The following FSCN3 variants were observed in gnomAD, a reference collection of about 807,000 sequenced individuals.
FSCN3 encodes fascin-3.
A neutral mutation model predicts 53.5 loss-of-function variants in FSCN3; 43 were observed. The ratio of observed to expected loss-of-function variants is 0.80; its 90% confidence interval spans 0.63 to 1.04. The LOEUF is 1.04. Ranked by LOEUF, FSCN3 falls within the 50% of genes least tolerant of loss-of-function variation. The pLI is 0.00. For missense variants in FSCN3, 594 were observed against 646.5 expected, an observed-to-expected ratio of 0.92 and a Z score of 0.88; for synonymous variants, 235 against 246.6, an observed-to-expected ratio of 0.95 and a Z score of 0.44.
chr7:127,594,838 C>T (rs996653062), intron 1 of FSCN3: 1 of 472,314 alleles, frequency 2.1e-6, no homozygotes, highest in Non-Finnish European at 4.4e-6. Flanking sequence ...CATCTTCATC[C>T]CTGGAGCCAG....
intron 1 of FSCN3, among the ~76,000 whole-genome samples, chr7:127,594,294 A>G: frequency 7.9e-6 from 1 of 126,526 alleles, no homozygotes; most frequent in South Asian, 2.5e-4. Flanking sequence ...ACTTGCCTGT[A>G]TATGAAAGCA....
chr7:127,594,526 G>A (rs1386921993), intron 1 of FSCN3: 6 of 470,730 alleles, frequency 1.3e-5, no homozygotes, highest in Non-Finnish European at 2.6e-5. Flanking sequence ...GAAGAGAAGT[G>A]GAGAGCACAG....
At chr7:127,601,355 T>A (rs1016889323) in intron 6 of FSCN3, among the ~76,000 whole-genome samples, 1 of 152,248 alleles carries the variant, frequency 6.6e-6, no homozygotes, top group Non-Finnish European at 1.5e-5. Flanking sequence ...TTGCTCTTTG[T>A]CCTGTCCCTT....
At chr7:127,600,434 C>G (rs932229806) in intron 6 of FSCN3, 35 bp downstream of exon 6, 1 of 1,310,138 alleles carries the variant, frequency 7.6e-7, no homozygotes, top group Non-Finnish European at 1.1e-6. Context: ...GCTAGGGGAG[C>G]AGAAGCCATG....
chr7:127,594,281 C>CGTGTGTGTGTGTGTGT lies in FSCN3; in HGVS notation c.144+285_144+286insTGTGTGTGTGTGTGTG, dbSNP rs1794349261. 2.3e-4 allele frequency among the ~76,000 whole-genome samples: 15 copies of CGTGTGTGTGTGTGTGT among 65,868 alleles called. 1 individual carries two copies. Among genetic ancestry groups the CGTGTGTGTGTGTGTGT allele is most frequent in the Non-Finnish European group, 4.6e-4 (14 of 30,710 alleles). 43.2% of individuals were successfully genotyped at this position (65,868 alleles called of 152,430 possible). A position where few individuals can be genotyped will look rare whatever the true frequency, so the allele number is the denominator to read the frequency against. On this transcript the variant is annotated intron_variant, in intron 1 of 6. Coordinates refer to ENST00000265825, the MANE Select transcript of FSCN3 (RefSeq NM_020369.3). ...GTGTGTGTGTGTGTGTGTGTGTGTG[C>CGTGTGTGTGTGTGTGT]GCACTTGCCTGTATATGAAAGCAGG...
In FSCN3 at chr7:127,595,546, C is replaced by T. The variant is rs202077548; in HGVS notation, c.384C>T (p.His128=). The T allele has an allele frequency of 6.8e-6, 11 of 1,614,096 alleles. No homozygotes were observed. The highest frequency in any genetic ancestry group is 6.7e-5 in the Admixed American group (4 of 60,020). Residue 128 remains histidine, a synonymous_variant, in exon 2 of 7, where the codon CAC becomes CAT. Transcript: ENST00000265825. ...SNGKDVFCTS[H]VLSAYHMWTP... ...GCAAGGACGTGTTTTGCACTTCCCACGTCCTCTCAGCTTACCACATGTGGA... is the reference window on the plus strand; with the variant it reads ...GCAAGGACGTGTTTTGCACTTCCCATGTCCTCTCAGCTTACCACATGTGGA...
intron 5 of FSCN3, 92 bp downstream of exon 5, chr7:127,599,643 C>T: frequency 7.9e-7 from 1 of 1,266,422 alleles, no homozygotes; most frequent in Non-Finnish European, 1.1e-6. Context: ...TCAGGGCTTG[C>T]TCATTATAAA....
chr7:127,597,023 C>G (rs1460411003), intron 3 of FSCN3, among the ~76,000 whole-genome samples: 1 of 152,226 alleles, frequency 6.6e-6, no homozygotes, highest in Non-Finnish European at 1.5e-5. Flanking sequence ...TTTTAAGGTT[C>G]GTTCACATAA....
In FSCN3 at chr7:127,595,438, T is replaced by C. The variant is rs2117426671; in HGVS notation, c.276T>C (p.His92=). ...VCYGRPRTSH[H]GCFLLRFHRN... is the part of the protein sequence containing the mutation. ...ATGGCCGCCCAAGGACCAGCCACCA[T>C]GGGTGCTTTCTACTGCGTTTCCACC... The change falls in exon 2 of 7, where the codon CAT becomes CAC. Residue 92 remains histidine, a synonymous_variant. Coordinates refer to ENST00000265825, the MANE Select transcript of FSCN3 (RefSeq NM_020369.3). The C allele has an allele frequency of 6.2e-7, 1 of 1,614,142 alleles. No homozygotes were observed. The highest frequency in any genetic ancestry group is 8.5e-7 in the Non-Finnish European group (1 of 1,180,016).
rs1366957002 is a variant in FSCN3 at position 127,596,645 on chromosome 7, G to A, written c.960+199G>A. On this transcript the variant is annotated intron_variant, in intron 3 of 6. Coordinates refer to ENST00000265825, the MANE Select transcript of FSCN3 (RefSeq NM_020369.3). ...AATCAACTTTATTAAGGTATAATTT[G>A]AAAGTTTGTAAATTATATAATACAC... The A allele has an allele frequency of 7.9e-6, 3 of 379,700 alleles. No individual in the cohort carries two copies. The East Asian group carries it at 1.2e-4, about 15-fold the overall frequency. 23.5% of individuals were successfully genotyped at this position (379,700 alleles called of 1,614,324 possible).
Position 127,595,640 on chromosome 7 carries a change from G to C in FSCN3, c.478G>C (p.Asp160His). Reference sequence around the variant, plus strand: ...CATCCACCGCTGCTATGCCCGGGCTGACCCCACTATGGGCCGCATCTGGGT... The same window carrying C: ...CATCCACCGCTGCTATGCCCGGGCTCACCCCACTATGGGCCGCATCTGGGT... ...SPIHRCYARADPTMGRIWVDA... is the reference protein window; with the variant it reads ...SPIHRCYARAHPTMGRIWVDA... The change falls in exon 2 of 7, where the codon GAC becomes CAC. Residue 160 changes from aspartate (D) to histidine (H), a missense_variant. Transcript: ENST00000265825. 1.2e-6 allele frequency: 2 copies of C among 1,614,002 alleles called. No individual in the cohort carries two copies. Among genetic ancestry groups the C allele is most frequent in the Non-Finnish European group, 1.7e-6 (2 of 1,179,912 alleles).
rs1244239108 is a variant in FSCN3, at chr7:127,593,922, G to A, written c.69G>A (p.Trp23Ter). 2 of 1,606,660 alleles carry A rather than the reference G, an allele frequency of 1.2e-6. No individual in the cohort carries two copies. Among genetic ancestry groups the A allele is most frequent in the Non-Finnish European group, 1.7e-6 (2 of 1,176,552 alleles). Residue 23 changes from tryptophan to a stop codon, truncating the protein, a stop_gained, in exon 1 of 7, where the codon TGG becomes TGA. Transcript: ENST00000265825. LOFTEE classifies it high-confidence loss of function. ...ACCTAAGGGTTGGGCTCATCAGCTG[G>A]GCAGGAACCTACCTCACCTTTGAGG... is the stretch of plus-strand genomic sequence containing the variant. Reference protein sequence around the residue: ...AEDLRVGLISWAGTYLTFEAC... With the variant: ...AEDLRVGLIS
rs754336849 is a variant in FSCN3, at chr7:127,594,018, T to TGGC, written c.144+22_144+24dup. On this transcript the variant is annotated intron_variant, in intron 1 of 6. Coordinates refer to ENST00000265825, the MANE Select transcript of FSCN3 (RefSeq NM_020369.3). ...GACAGGTGACAAAGCAAACCCATGC[T>TGGC]GGCACCAGTTTTCTGAGTGGCCAAG... 8 of 1,611,486 alleles carry TGGC rather than the reference T, an allele frequency of 5.0e-6. No individual in the cohort carries two copies. The African/African-American group carries it at 8.0e-5, about 16-fold the overall frequency.
At position 127,598,454 on chromosome 7, in the gene FSCN3, T is replaced by A. The variant is rs1794423219; in HGVS notation, c.980T>A (p.Met327Lys). ...TTCCAGAGGCGCCACAGGGCAGTAA[T>A]GGCTGATGGGCACCCCCTGGAGTCT... is the stretch of plus-strand genomic sequence containing the variant. ...YLSQRRHRAV[M>K]ADGHPLESDT... is the part of the protein sequence containing the mutation. The change falls in exon 4 of 7, where the codon ATG becomes AAG. Residue 327 changes from methionine (M) to lysine (K), a missense_variant. Coordinates refer to ENST00000265825, the MANE Select transcript of FSCN3 (RefSeq NM_020369.3). The A allele has an allele frequency of 6.2e-7, 1 of 1,614,088 alleles. No individual in the cohort carries two copies. The highest frequency in any genetic ancestry group is 1.7e-5 in the Admixed American group (1 of 60,012).
intron 4 of FSCN3, 63 bp from the exon 5 acceptor site, chr7:127,599,318 G>A (rs1794435987): frequency 7.6e-7 from 1 of 1,319,416 alleles, no homozygotes; most frequent in African/African-American, 1.4e-5. Context: ...CCCCCCTCCT[G>A]CTTCCACTTG....
chr7:127,594,425 G>A (rs1021710144), intron 1 of FSCN3: 37 of 466,932 alleles, frequency 7.9e-5, no homozygotes, highest in African/African-American at 2.8e-4. Flanking sequence ...AATTTATTCC[G>A]CAAGGTGAAG....
chr7:127,595,761 C>T lies in FSCN3; in HGVS notation c.599C>T (p.Ser200Phe). Residue 200 changes from serine (S) to phenylalanine (F), a missense_variant, in exon 2 of 7, where the codon TCC becomes TTC. Ser to Phe is a radical substitution (Grantham distance 155). Transcript: ENST00000265825. Reference sequence around the variant, plus strand: ...GAGACCTCTACACACCACTTCTTGTCCCATGTAGACCGGCTGTTCTCCCAA... The same window carrying T: ...GAGACCTCTACACACCACTTCTTGTTCCATGTAGACCGGCTGTTCTCCCAA... The part of the protein sequence containing the change: ...HLETSTHHFL[S>F]HVDRLFSQPS... 2 of 1,613,658 alleles carry T rather than the reference C, an allele frequency of 1.2e-6. No individual in the cohort carries two copies. Among genetic ancestry groups the T allele is most frequent in the Non-Finnish European group, 8.5e-7 (1 of 1,179,572 alleles).
chr7:127,600,042 G>A, intron 5 of FSCN3, 152 bp from the exon 6 acceptor site: 2 of 609,200 alleles, frequency 3.3e-6, no homozygotes, highest in Non-Finnish European at 5.9e-6. Context: ...ATCCCTATTG[G>A]CGCTCCTGCA....
At position 127,593,762 on chromosome 7, in the gene FSCN3, ACAGGCCCTATTC is replaced by A. The variant is rs1355766564; in HGVS notation, c.-81_-70del. 2.0e-5 allele frequency: 28 copies of A among 1,416,062 alleles called. No homozygotes were observed. In the Admixed American group the frequency reaches 2.6e-4, roughly 13 times the overall value. 87.7% of individuals were successfully genotyped at this position (1,416,062 alleles called of 1,614,324 possible). A position where few individuals can be genotyped will look rare whatever the true frequency, so the allele number is the denominator to read the frequency against. On this transcript the variant is annotated 5_prime_UTR_variant, in exon 1 of 7. The change creates a new upstream start codon in the 5' untranslated region. Coordinates refer to ENST00000265825, the MANE Select transcript of FSCN3 (RefSeq NM_020369.3). The stretch of plus-strand genomic sequence containing the variant: ...TCTCTGGGAACATCTGGTGGGTACT[ACAGGCCCTATTC>A]CAGGCCCTATGGCCTGTGGAACCTC...
Sources: gnomAD v4.1 joint callset for allele counts (sites outside exome capture counted in the v4.1 genomes callset) on GRCh38, gnomAD v4.1.1 for gene constraint, MANE v1.5 for transcripts, NCBI Gene and HGNC (gene_info 2026-07-23, HGNC 2026-07-21) for gene names.